The following ITGB2 variants were observed in gnomAD, a reference collection of about 807,000 sequenced individuals.
The protein encoded by ITGB2 is integrin beta-2.
ITGB2 carries 56 observed loss-of-function variants against 86.8 expected under a neutral mutation model. That is an observed-to-expected ratio of 0.65 (90% CI 0.52 to 0.81). The LOEUF (loss-of-function observed/expected upper bound fraction) is 0.81. Ranked by LOEUF, ITGB2 falls within the 30% of genes least tolerant of loss-of-function variation. ITGB2 has a pLI of 0.00. For missense variants in ITGB2, 948 were observed against 1,061.2 expected (o/e 0.89, Z 1.48); for synonymous variants, 457 against 450.4 (o/e 1.01, Z -0.19).
upstream of ITGB2, among the ~76,000 whole-genome samples, chr21:44,921,698 G>A (rs1213974527): frequency 6.6e-6 from 1 of 152,038 alleles, no homozygotes; most frequent in African/African-American, 2.4e-5. Context: ...CCTAAACTCT[G>A]TTTTATTTAT....
chr21:44,899,305 C>A, intron 7 of ITGB2, 143 bp from the exon 8 acceptor site: 5 of 699,158 alleles, frequency 7.2e-6, no homozygotes, highest in Non-Finnish European at 1.0e-5. Flanking sequence ...GAGGCTGCCA[C>A]GCAGGAGTGC....
chr21:44,899,652 C>G (rs2083920741), intron 7 of ITGB2, among the ~76,000 whole-genome samples: 1 of 152,192 alleles, frequency 6.6e-6, no homozygotes, highest in Admixed American at 6.5e-5. Context: ...AAGAGCGTCG[C>G]ACTACGGCCA....
intron 1 of ITGB2, chr21:44,911,152 T>C (rs890162121): frequency 2.5e-6 from 1 of 393,408 alleles, no homozygotes; most frequent in African/African-American, 2.0e-5. Context: ...ACCACGTGCA[T>C]GCACACACCA....
intron 13 of ITGB2, 93 bp downstream of exon 13, chr21:44,889,183 T>G: frequency 1.6e-6 from 2 of 1,242,492 alleles, no homozygotes; most frequent in South Asian, 2.5e-5. Flanking sequence ...GGTGCAGAGG[T>G]GCTCACTGGG....
At chr21:44,916,845 G>A (rs2084219030) in intron 1 of ITGB2, among the ~76,000 whole-genome samples, 1 of 148,494 alleles carries the variant, frequency 6.7e-6, no homozygotes, top group Admixed American at 6.7e-5. Flanking sequence ...TCCAGCCTGG[G>A]CAACAAGAGT....
At chr21:44,914,666 C>A (rs2031478952) in intron 1 of ITGB2, among the ~76,000 whole-genome samples, 1 of 152,180 alleles carries the variant, frequency 6.6e-6, no homozygotes, top group Non-Finnish European at 1.5e-5. Flanking sequence ...CTGACGCCTG[C>A]AATCCCAGTG....
At chr21:44,890,877 C>T (rs537953088) in intron 11 of ITGB2, among the ~76,000 whole-genome samples, 144 of 152,224 alleles carry the variant, frequency 9.5e-4, no homozygotes, top group Non-Finnish European at 9.9e-4. Flanking sequence ...CCTACAGTCC[C>T]GTGAAGAGGC....
At chr21:44,913,406 C>A (rs918710671) in intron 1 of ITGB2, among the ~76,000 whole-genome samples, 4 of 152,126 alleles carry the variant, frequency 2.6e-5, no homozygotes, top group Admixed American at 6.5e-5. Context: ...CCCGGGCACT[C>A]CCACCTGCCC....
At position 44,910,372 on chromosome 21, in the gene ITGB2, A is replaced by T; in HGVS notation, c.59T>A (p.Val20Asp). ...GAACTTCGTGCACTCCTGAGAGAGG[A>T]CTGAGGGACGAGGCCGGCTGGTGAG... ...ALVGLLSLGC[V>D]LSQECTKFKV... Residue 20 changes from valine to aspartate, a missense_variant and splice_region_variant, in exon 3 of 16, where the codon GTC becomes GAC. Transcript: ENST00000652462. 6.2e-7 allele frequency: 1 copy of T among 1,614,078 alleles called. No individual in the cohort carries two copies. The highest frequency in any genetic ancestry group is 8.5e-7 in the Non-Finnish European group (1 of 1,179,998).
intron 8 of ITGB2, among the ~76,000 whole-genome samples, chr21:44,897,673 C>G (rs2083889120): frequency 6.6e-6 from 1 of 152,192 alleles, no homozygotes; most frequent in South Asian, 2.1e-4. Flanking sequence ...TGAGGTGAGC[C>G]ACCCAGGGCC....
upstream of ITGB2, among the ~76,000 whole-genome samples, chr21:44,925,160 TAGGAGGA>T (rs1265379934): frequency 6.6e-6 from 1 of 151,216 alleles, no homozygotes; most frequent in Non-Finnish European, 1.5e-5. Context: ...TTAAAGGAGC[TAGGAGGA>T]AGTGACTGCA....
At chr21:44,902,543 G>A (rs1289746696) in intron 5 of ITGB2, among the ~76,000 whole-genome samples, 1 of 152,030 alleles carries the variant, frequency 6.6e-6, no homozygotes, top group Admixed American at 6.5e-5. Context: ...GTGTGAGCAT[G>A]CATTCACGTG....
At chr21:44,889,108 G>A in intron 13 of ITGB2, 168 bp downstream of exon 13, 1 of 711,342 alleles carries the variant, frequency 1.4e-6, no homozygotes, top group Non-Finnish European at 2.4e-6. Flanking sequence ...GGAGGGAGGA[G>A]GGACACAGGG....
chr21:44,897,895 T>C (rs1226798480), intron 8 of ITGB2, among the ~76,000 whole-genome samples: 1 of 152,128 alleles, frequency 6.6e-6, no homozygotes, highest in Non-Finnish European at 1.5e-5. Context: ...CAGGAGGGCG[T>C]GCAGTGTTTC....
intron 5 of ITGB2, among the ~76,000 whole-genome samples, chr21:44,902,570 TGG>T (rs2083978190): frequency 6.6e-6 from 1 of 151,640 alleles, no homozygotes; most frequent in African/African-American, 2.4e-5. Flanking sequence ...CATTTGAGTT[TGG>T]GTGTGCTTTT....
intron 4 of ITGB2, among the ~76,000 whole-genome samples, chr21:44,905,139 C>T (rs1030854582): frequency 6.6e-6 from 1 of 152,180 alleles, no homozygotes; most frequent in Non-Finnish European, 1.5e-5. Context: ...GACCAAGGGG[C>T]CCCGTCCCTT....
At chr21:44,906,386 G>A (rs982538817) in intron 4 of ITGB2, among the ~76,000 whole-genome samples, 3 of 152,070 alleles carry the variant, frequency 2.0e-5, no homozygotes, top group Non-Finnish European at 4.4e-5. Flanking sequence ...CTCCCAAAGT[G>A]CTGGGATTAC....
At chr21:44,915,210 G>T (rs73376522) in intron 1 of ITGB2, among the ~76,000 whole-genome samples, 4,105 of 152,218 alleles carry the variant, frequency 0.027, 80 homozygotes, top group Middle Eastern at 0.11. Flanking sequence ...GTTTTTAGTA[G>T]AGACGAGGTT....
intron 8 of ITGB2, among the ~76,000 whole-genome samples, chr21:44,898,514 C>T (rs900980898): frequency 2.0e-5 from 3 of 152,266 alleles, no homozygotes; most frequent in African/African-American, 7.2e-5. Flanking sequence ...GGAACCCCAA[C>T]AGCACCTGAG....
Sources: allele counts gnomAD v4.1 joint callset (sites outside exome capture counted in the v4.1 genomes callset), GRCh38; gene constraint gnomAD v4.1.1; transcripts MANE v1.5; gene names NCBI Gene and HGNC (gene_info 2026-07-23, HGNC 2026-07-21).